The following TAFA5 variants were observed in gnomAD, a reference collection of about 807,000 sequenced individuals.
The protein encoded by TAFA5 is TAFA chemokine like family member 5.
In TAFA5, 6 loss-of-function variants were observed where a neutral mutation model predicts 15.3. The observed-to-expected ratio is 0.39, with a 90% CI of 0.21 to 0.77. The LOEUF is 0.77. TAFA5 is among the 30% of genes least tolerant of loss of function. TAFA5 has a pLI of 0.41. For synonymous variants in TAFA5, 103 were observed against 80.7 expected (o/e 1.28, Z -1.48); for missense variants, 161 against 193.1 (o/e 0.83, Z 0.98).
At chr22:48,721,524 T>C (rs1412659094) in intron 3 of TAFA5, among the ~76,000 whole-genome samples, 1 of 152,062 alleles carries the variant, frequency 6.6e-6, no homozygotes, top group Non-Finnish European at 1.5e-5. Context: ...TTTTCTCCTA[T>C]TGGTTGGCAG....
At chr22:48,540,091 G>A (rs902542672) in intron 1 of TAFA5, among the ~76,000 whole-genome samples, 1 of 152,198 alleles carries the variant, frequency 6.6e-6, no homozygotes, top group South Asian at 2.1e-4. Flanking sequence ...GCAGGAGAAG[G>A]GCTGGCCCCC....
chr22:48,700,167 A>G (rs76794348), intron 2 of TAFA5, among the ~76,000 whole-genome samples: 93,440 of 151,558 alleles, frequency 0.62, 29,560 homozygotes, highest in African/African-American at 0.76. Context: ...TGGATCCCGA[A>G]ACCCTTCTTT....
chr22:48,584,354 C>T (rs1045760588), intron 1 of TAFA5, among the ~76,000 whole-genome samples: 6 of 148,642 alleles, frequency 4.0e-5, no homozygotes, highest in Non-Finnish European at 7.4e-5. Flanking sequence ...ACCACACACA[C>T]CGTGCACCAC....
intron 3 of TAFA5, among the ~76,000 whole-genome samples, chr22:48,709,714 A>C (rs748100754): frequency 2.9e-4 from 44 of 152,160 alleles, no homozygotes; most frequent in Non-Finnish European, 5.3e-4. Flanking sequence ...ACTCGGATGC[A>C]CCTCTGTGAG....
chr22:48,519,513 A>T (rs1249281456), intron 1 of TAFA5, among the ~76,000 whole-genome samples: 1 of 151,738 alleles, frequency 6.6e-6, no homozygotes, highest in African/African-American at 2.4e-5. Context: ...GTGTCCTTTT[A>T]TGTGAAGGGG....
intron 1 of TAFA5, among the ~76,000 whole-genome samples, chr22:48,581,414 C>CT (rs1265724603): frequency 1.5e-4 from 23 of 152,214 alleles, no homozygotes; most frequent in African/African-American, 5.5e-4. Context: ...TGTGGAAACT[C>CT]ATCAGTCTCC....
rs150365022 is a variant in TAFA5 at position 48,530,837 on chromosome 22, A to T, written c.112+41133A>T. Among the ~76,000 whole-genome samples, 1 of 152,118 alleles carries T rather than the reference A, an allele frequency of 6.6e-6. No individual in the cohort carries two copies. The highest frequency in any genetic ancestry group is 1.9e-4 in the East Asian group (1 of 5,174). On this transcript the variant is annotated intron_variant, in intron 1 of 3. Transcript: ENST00000402357. This position sits in a 1 kb window ranked among gnomAD's most constrained non-coding sequence, Gnocchi z 6.0. ...AGAGGCGACCCCAGTGCGTGTGGCT[A>T]TGGGCTTCGACAAAGCAGGGGAGAA... is the stretch of plus-strand genomic sequence containing the variant.
chr22:48,632,632 TG>T lies in TAFA5; in HGVS notation c.113-13961del, dbSNP rs1273924733. 2.0e-5 allele frequency among the ~76,000 whole-genome samples: 3 copies of T among 152,160 alleles called. No homozygotes were observed. In the East Asian group the frequency reaches 5.8e-4, roughly 29 times the overall value. On this transcript the variant is annotated intron_variant, in intron 1 of 3. Transcript: ENST00000402357. ...CTGGGTGTTGAAGGGTCCCCTTGGC[TG>T]GGGAAGCCCCCTCTGGAGGCCGTTC...
intron 2 of TAFA5, among the ~76,000 whole-genome samples, chr22:48,649,849 A>G (rs548939777): frequency 6.6e-6 from 1 of 152,236 alleles, no homozygotes; most frequent in East Asian, 1.9e-4. Context: ...CCGCCCGCCT[A>G]TCGGCAGAGT....
intron 3 of TAFA5, among the ~76,000 whole-genome samples, chr22:48,748,953 C>A (rs752686444): frequency 6.6e-6 from 1 of 152,082 alleles, no homozygotes; most frequent in East Asian, 1.9e-4. Context: ...TGGCCAAGGT[C>A]GGTTCAAGGG....
At chr22:48,703,543 A>G (rs893061581) in intron 2 of TAFA5, among the ~76,000 whole-genome samples, 2 of 152,180 alleles carry the variant, frequency 1.3e-5, no homozygotes, top group Non-Finnish European at 2.9e-5. Flanking sequence ...GGTGGCTTGC[A>G]TCCTAGCCTG....
At chr22:48,673,945 G>A (rs374088827) in intron 2 of TAFA5, among the ~76,000 whole-genome samples, 5 of 152,196 alleles carry the variant, frequency 3.3e-5, no homozygotes, top group South Asian at 2.1e-4. Flanking sequence ...CTCTGGGGTC[G>A]GGTGTCTAGT....
intron 3 of TAFA5, among the ~76,000 whole-genome samples, chr22:48,746,496 TAAAG>T (rs1930331493): frequency 6.6e-6 from 1 of 151,794 alleles, no homozygotes; most frequent in South Asian, 2.1e-4. Flanking sequence ...CCCGTCTTGT[TAAAG>T]AAAAAAAAGA....
intron 2 of TAFA5, among the ~76,000 whole-genome samples, chr22:48,648,604 G>A (rs1002418053): frequency 2.6e-5 from 4 of 152,196 alleles, no homozygotes; most frequent in African/African-American, 7.2e-5. Flanking sequence ...ACTATGGGAG[G>A]CTGAGGCAGG....
chr22:48,604,722 C>A (rs1158533996), intron 1 of TAFA5, among the ~76,000 whole-genome samples: 1 of 152,150 alleles, frequency 6.6e-6, no homozygotes, highest in Non-Finnish European at 1.5e-5. Flanking sequence ...TTTTTTCCAT[C>A]CTTCCACTCT....
At position 48,516,186 on chromosome 22, in the gene TAFA5, C is replaced by T. The variant is rs114063110; in HGVS notation, c.112+26482C>T. Reference sequence around the variant, plus strand: ...AAAGACTAATTAAACCAGATGGCGGCGAAACCCACGTGGAGGCGCCGAGAC... The same window carrying T: ...AAAGACTAATTAAACCAGATGGCGGTGAAACCCACGTGGAGGCGCCGAGAC... On this transcript the variant is annotated intron_variant, in intron 1 of 3. Transcript: ENST00000402357. Among the ~76,000 whole-genome samples the T allele has an allele frequency of 2.6e-5, 4 of 152,232 alleles. No individual in the cohort carries two copies. In the East Asian group the frequency reaches 5.8e-4, roughly 22 times the overall value.
intron 3 of TAFA5, among the ~76,000 whole-genome samples, chr22:48,711,863 G>C (rs132245): frequency 0.73 from 111,375 of 152,068 alleles, 41,014 homozygotes; most frequent in African/African-American, 0.79. Flanking sequence ...AACCCCTTCC[G>C]GTGTGGGCCG....
At chr22:48,736,069 G>A (rs77431991) in intron 3 of TAFA5, among the ~76,000 whole-genome samples, 346 of 30,244 alleles carry the variant, frequency 0.011, 24 homozygotes, top group African/African-American at 0.047. Flanking sequence ...AATGAGAATC[G>A]CACTCCTAGA....
chr22:48,612,118 T>C (rs1305281446), intron 1 of TAFA5, among the ~76,000 whole-genome samples: 1 of 152,106 alleles, frequency 6.6e-6, no homozygotes, highest in African/African-American at 2.4e-5. Context: ...GGTGCGTCTA[T>C]GCAGGTGCAG....
Sources: allele counts gnomAD v4.1 joint callset (sites outside exome capture counted in the v4.1 genomes callset), GRCh38; gene constraint gnomAD v4.1.1; non-coding constraint Gnocchi (gnomAD v3.1); transcripts MANE v1.5; gene names NCBI Gene and HGNC (gene_info 2026-07-23, HGNC 2026-07-21).